The following SLC4A8 variants were observed in gnomAD, a reference collection of about 807,000 sequenced individuals.
The protein encoded by SLC4A8 is electroneutral sodium bicarbonate exchanger 1.
A neutral mutation model predicts 125.0 loss-of-function variants in SLC4A8; 40 were observed. The observed-to-expected ratio is 0.32, with a 90% confidence interval of 0.25 to 0.42. The LOEUF (loss-of-function observed/expected upper bound fraction) is 0.42, where lower values mean the gene tolerates loss of function less well. Ranked by LOEUF, SLC4A8 falls within the 10% of genes least tolerant of loss-of-function variation. The pLI is 1.00. For missense variants in SLC4A8, 863 were observed against 1,355.1 expected (o/e 0.64, Z 5.70); for synonymous variants, 456 against 476.0 (o/e 0.96, Z 0.55).
intron 3 of SLC4A8, 100 bp from the exon 4 acceptor site, chr12:51,452,024 T>G: frequency 8.5e-5 from 87 of 1,022,856 alleles, no homozygotes; most frequent in Non-Finnish European, 1.1e-4. Flanking sequence ...GCATTCGTGG[T>G]TGTCTATATA....
chr12:51,433,862 T>G (rs12817564), intron 1 of SLC4A8, among the ~76,000 whole-genome samples: 69,399 of 133,742 alleles, frequency 0.52, 18,046 homozygotes, highest in South Asian at 0.55. Flanking sequence ...TTTTTTTTTT[T>G]TTTTTTTTTT....
chr12:51,480,102 A>T (rs1392648202), intron 16 of SLC4A8: 1 of 382,042 alleles, frequency 2.6e-6, no homozygotes, highest in Non-Finnish European at 4.9e-6. Context: ...CACCACAGCC[A>T]GCTAATTTTT....
chr12:51,455,161 A>C (rs1950100301), intron 5 of SLC4A8, among the ~76,000 whole-genome samples: 3 of 149,234 alleles, frequency 2.0e-5, no homozygotes, highest in Non-Finnish European at 4.5e-5. Flanking sequence ...AGGCAGAAGA[A>C]TTTTTCTTAG....
chr12:51,399,014 G>T (rs1565748060), intron 1 of SLC4A8, among the ~76,000 whole-genome samples: 1 of 152,242 alleles, frequency 6.6e-6, no homozygotes, highest in Non-Finnish European at 1.5e-5. Flanking sequence ...CTCCCAAAGT[G>T]CTGGGATTAC....
At chr12:51,433,872 T>G (rs12817572) in intron 1 of SLC4A8, among the ~76,000 whole-genome samples, 25 of 34,134 alleles carry the variant, frequency 7.3e-4, no homozygotes, top group South Asian at 2.9e-3. Context: ...TTTTTTTTTT[T>G]TTTTTTGGTT....
chr12:51,457,109 G>C (rs548048963), intron 5 of SLC4A8, among the ~76,000 whole-genome samples: 1 of 152,148 alleles, frequency 6.6e-6, no homozygotes, highest in Admixed American at 6.5e-5. Context: ...AAAAATTGTT[G>C]TACTAGTGCT....
intron 21 of SLC4A8, 72 bp from the exon 22 acceptor site, chr12:51,496,915 T>A: frequency 6.7e-7 from 1 of 1,496,314 alleles, no homozygotes; most frequent in South Asian, 1.2e-5. Context: ...GCTGTGAAAA[T>A]AAGGCTTTGC....
At position 51,440,719 on chromosome 12, in the gene SLC4A8, A is replaced by G. The variant is rs368439278; in HGVS notation, c.60A>G (p.Glu20=). Reference sequence around the variant, plus strand: ...TTGTGTTTAAACAGAGACCAGATGAAGAAGCTGTGGTGGATCAGGGTGGGA... The same window carrying G: ...TTGTGTTTAAACAGAGACCAGATGAGGAAGCTGTGGTGGATCAGGGTGGGA... The part of the protein sequence containing the change: ...DGVLSYQRPD[E]EAVVDQGGTS... The change falls in exon 2 of 25, where the codon GAA becomes GAG. Residue 20 remains glutamate (E), a synonymous_variant. Coordinates refer to ENST00000453097, the MANE Select transcript of SLC4A8 (RefSeq NM_001039960.3). The G allele has an allele frequency of 2.3e-5, 37 of 1,610,764 alleles. No homozygotes were observed. The highest frequency in any genetic ancestry group is 2.9e-5 in the Non-Finnish European group (34 of 1,178,938).
chr12:51,474,318 A>C (rs1266314265), intron 14 of SLC4A8, 24 bp from the exon 15 acceptor site: 3 of 1,466,654 alleles, frequency 2.0e-6, no homozygotes, highest in Admixed American at 1.7e-5. Flanking sequence ...TTTCCTCAGG[A>C]ATCTTTTTAA....
chr12:51,432,105 C>G (rs1949206324), intron 1 of SLC4A8, among the ~76,000 whole-genome samples: 1 of 152,082 alleles, frequency 6.6e-6, no homozygotes, highest in Admixed American at 6.6e-5. Context: ...CCTCGGTTTG[C>G]TGATTAGAAA....
chr12:51,424,037 C>CAAAAAAAAAAAAAAAAAAAAAAAA (rs35611847), upstream of SLC4A8, among the ~76,000 whole-genome samples: 2 of 38,212 alleles, frequency 5.2e-5, no homozygotes, highest in Non-Finnish European at 9.1e-5. Flanking sequence ...ACTTCGTCTC[C>CAAAAAAAAAAAAAAAAAAAAAAAA]AAAAAAAAAA....
intron 2 of SLC4A8, among the ~76,000 whole-genome samples, chr12:51,448,780 A>G (rs1459481574): frequency 1.3e-5 from 2 of 152,168 alleles, no homozygotes; most frequent in African/African-American, 2.4e-5. Context: ...GGTGTCCCTA[A>G]TGAGGGAAGC....
chr12:51,440,829 G>A (rs1227301954), intron 2 of SLC4A8, 40 bp downstream of exon 2: 1 of 1,527,488 alleles, frequency 6.5e-7, no homozygotes, highest in Non-Finnish European at 8.9e-7. Context: ...AAATTGGTGA[G>A]GGGCAGCCTG....
intron 1 of SLC4A8, among the ~76,000 whole-genome samples, chr12:51,433,829 G>A (rs912459015): frequency 2.0e-5 from 3 of 147,346 alleles, no homozygotes; most frequent in Non-Finnish European, 3.0e-5. Flanking sequence ...ATGACTTGGC[G>A]TCAACAATGA....
chr12:51,477,003 G>A (rs774533824), intron 16 of SLC4A8, among the ~76,000 whole-genome samples: 2 of 150,554 alleles, frequency 1.3e-5, no homozygotes, highest in Non-Finnish European at 2.9e-5. Context: ...TGCCTCCCGG[G>A]TTCAAGTGGT....
At chr12:51,460,913 G>A (rs1950306254) in intron 8 of SLC4A8, among the ~76,000 whole-genome samples, 1 of 152,134 alleles carries the variant, frequency 6.6e-6, no homozygotes, top group Admixed American at 6.5e-5. Flanking sequence ...ACAGTGCCAT[G>A]TTTTGAAAAA....
intron 20 of SLC4A8, 146 bp downstream of exon 20, chr12:51,493,918 A>G (rs1204021036): frequency 5.9e-6 from 4 of 679,682 alleles, no homozygotes; most frequent in East Asian, 2.5e-5. Context: ...TTAGACATGT[A>G]TTTGGATATA....
chr12:51,501,272 C>T (rs1937870599), intron 22 of SLC4A8, among the ~76,000 whole-genome samples: 1 of 152,236 alleles, frequency 6.6e-6, no homozygotes, highest in South Asian at 2.1e-4. Flanking sequence ...AAGTAGTGAA[C>T]ATAGTACCCC....
chr12:51,467,817 C>T (rs949317245), intron 11 of SLC4A8, among the ~76,000 whole-genome samples: 9 of 151,954 alleles, frequency 5.9e-5, no homozygotes, highest in African/African-American at 1.2e-4. Flanking sequence ...ACCAAATCAC[C>T]GACATACATT....
Sources: allele counts gnomAD v4.1 joint callset (sites outside exome capture counted in the v4.1 genomes callset), GRCh38; gene constraint gnomAD v4.1.1; transcripts MANE v1.5; gene names NCBI Gene and HGNC (gene_info 2026-07-23, HGNC 2026-07-21).